Variants in IL22RA1 observed in about 807,000 individuals in gnomAD.
IL22RA1 encodes the protein interleukin 22 receptor subunit alpha 1, also known as interleukin-22 receptor subunit alpha-1.
IL22RA1 carries 25 observed loss-of-function variants against 32.8 expected under a neutral mutation model. The observed-to-expected ratio is 0.76, with a 90% CI of 0.55 to 1.06. IL22RA1 has a LOEUF of 1.06. Among genes scored for constraint, IL22RA1 ranks in the 50% least tolerant of loss-of-function variants. The pLI is 0.00. For synonymous variants in IL22RA1, 305 were observed against 305.0 expected (o/e 1.00, Z 0.00); for missense variants, 709 against 727.4 (o/e 0.97, Z 0.29).
At chr1:24,141,452 C>T (rs1158745044) in intron 1 of IL22RA1, among the ~76,000 whole-genome samples, 1 of 151,976 alleles carries the variant, frequency 6.6e-6, no homozygotes, top group Non-Finnish European at 1.5e-5. Flanking sequence ...TGGTTGAGGT[C>T]AGTGTTCTGG....
intron 2 of IL22RA1, 131 bp downstream of exon 2, chr1:24,138,451 C>A: frequency 2.1e-6 from 2 of 946,790 alleles, no homozygotes; most frequent in Non-Finnish European, 3.2e-6. Context: ...AGGAGCAAAG[C>A]TTTATCTGGG....
chr1:24,131,563 TACA>T (rs1403455980), intron 4 of IL22RA1, among the ~76,000 whole-genome samples: 5 of 152,196 alleles, frequency 3.3e-5, no homozygotes, highest in Non-Finnish European at 7.3e-5. Flanking sequence ...ATCAGGAAGA[TACA>T]ACAATCATAA....
Position 24,121,386 on chromosome 1 carries a change from T to C in IL22RA1, c.1144A>G (p.Ile382Val), listed in dbSNP as rs1489066137. Residue 382 changes from isoleucine to valine, a missense_variant, in exon 7 of 7, where the codon ATC becomes GTC. Physicochemically the swap from Ile to Val is conservative, Grantham distance 29. Coordinates refer to ENST00000270800, the MANE Select transcript of IL22RA1 (RefSeq NM_021258.4). ...AQFPFYAPQA[I>V]SKVQPSSYAP... is the part of the protein sequence containing the mutation. ...TAGGAGGAAGGCTGGACCTTAGAGA[T>C]GGCCTGTGGGGCGTAGAATGGGAAT... 3.2e-6 allele frequency: 5 copies of C among 1,565,600 alleles called. No homozygotes were observed. Among genetic ancestry groups the C allele is most frequent in the African/African-American group, 2.7e-5 (2 of 73,706 alleles).
intron 4 of IL22RA1, among the ~76,000 whole-genome samples, chr1:24,131,932 T>C (rs930106113): frequency 3.3e-5 from 5 of 152,130 alleles, no homozygotes; most frequent in African/African-American, 1.2e-4. Flanking sequence ...TGACCACAAA[T>C]TGAATTAAAT....
Position 24,121,371 on chromosome 1 carries a change from G to C in IL22RA1, c.1159C>G (p.Pro387Ala). ...GTGGCTTGAGGGGCATAGGAGGAAG[G>C]CTGGACCTTAGAGATGGCCTGTGGG... is the stretch of plus-strand genomic sequence containing the variant. ...YAPQAISKVQ[P>A]SSYAPQATPD... Residue 387 changes from proline to alanine, a missense_variant, in exon 7 of 7, where the codon CCT becomes GCT. Pro to Ala is a conservative substitution (Grantham distance 27). Transcript: ENST00000270800. The C allele has an allele frequency of 6.3e-7, 1 of 1,577,686 alleles. No individual in the cohort carries two copies. The highest frequency in any genetic ancestry group is 1.3e-5 in the African/African-American group (1 of 74,190).
intron 5 of IL22RA1, among the ~76,000 whole-genome samples, chr1:24,127,302 T>G (rs1644172582): frequency 2.6e-5 from 4 of 151,424 alleles, no homozygotes; most frequent in Admixed American, 1.3e-4. Context: ...TGTGTGACCT[T>G]GGGCAAGTCA....
intron 3 of IL22RA1, chr1:24,134,924 G>A: frequency 1.4e-6 from 1 of 723,698 alleles, no homozygotes; most frequent in Non-Finnish European, 1.7e-6. Flanking sequence ...GATGAATGCT[G>A]TGGGTCTTCT....
chr1:24,141,664 C>T (rs964337630), intron 1 of IL22RA1, among the ~76,000 whole-genome samples: 1 of 152,132 alleles, frequency 6.6e-6, no homozygotes, highest in Non-Finnish European at 1.5e-5. Context: ...AAGATCTCCC[C>T]CTCTTCTCCC....
At position 24,138,706 on chromosome 1, in the gene IL22RA1, G is replaced by A. The variant is rs369799031; in HGVS notation, c.52C>T (p.Pro18Ser). 1.2e-6 allele frequency: 2 copies of A among 1,613,942 alleles called. No homozygotes were observed. Among genetic ancestry groups the A allele is most frequent in the Admixed American group, 1.7e-5 (1 of 59,976 alleles). Residue 18 changes from proline to serine, a missense_variant, in exon 2 of 7, where the codon CCT becomes TCT. Physicochemically the swap from Pro to Ser is moderately conservative, Grantham distance 74 (BLOSUM62 -1). Coordinates refer to ENST00000270800, the MANE Select transcript of IL22RA1 (RefSeq NM_021258.4). ...LTVGSLAAHA[P>S]EDPSDLLQHV... The stretch of plus-strand genomic sequence containing the variant: ...TGGAGCAGATCCGAGGGGTCCTCAG[G>A]GGCGTGAGCTGCAGGAGGGTGGGAG...
At chr1:24,131,989 A>T (rs4649187) in intron 4 of IL22RA1, among the ~76,000 whole-genome samples, 36,062 of 152,070 alleles carry the variant, frequency 0.24, 5,145 homozygotes, top group Non-Finnish European at 0.3. Context: ...ATATTTACCA[A>T]AAAATAGTTG....
intron 1 of IL22RA1, among the ~76,000 whole-genome samples, chr1:24,142,700 G>A (rs367605088): frequency 1.1e-4 from 17 of 152,346 alleles, no homozygotes; most frequent in African/African-American, 3.6e-4. Flanking sequence ...TGCCGACACC[G>A]TTTGAGGGAC....
At position 24,121,153 on chromosome 1, in the gene IL22RA1, T is replaced by C; in HGVS notation, c.1377A>G (p.Gln459=). ...GGGGCTGGTGCAATGATTTTGCTTC[T>C]TGGGATTCCTCCATAGCCAAGGAGG... ...EVTSLAMEES[Q]EAKSLHQPLG... is the part of the protein sequence containing the mutation. Residue 459 remains glutamine (Q), a synonymous_variant, in exon 7 of 7, where the codon CAA becomes CAG. Transcript: ENST00000270800. 6.2e-7 allele frequency: 1 copy of C among 1,614,226 alleles called. No individual in the cohort carries two copies. The highest frequency in any genetic ancestry group is 8.5e-7 in the Non-Finnish European group (1 of 1,180,034).
chr1:24,121,330 A>G lies in IL22RA1; in HGVS notation c.1200T>C (p.Pro400=). Residue 400 remains proline (P), a synonymous_variant, in exon 7 of 7, where the codon CCT becomes CCC. Transcript: ENST00000270800. ...CTTCCATGCATACCCCATAGGAGGG[A>G]GGCCAGCTGTCCGGAGTGGCTTGAG... ...YAPQATPDSW[P]PSYGVCMEGS... 1 of 1,606,620 alleles carries G rather than the reference A, an allele frequency of 6.2e-7. No homozygotes were observed. Among genetic ancestry groups the G allele is most frequent in the Non-Finnish European group, 8.5e-7 (1 of 1,174,858 alleles).
intron 5 of IL22RA1, 66 bp from the exon 6 acceptor site, chr1:24,123,489 T>C: frequency 6.4e-7 from 1 of 1,571,394 alleles, no homozygotes. Flanking sequence ...CGGTTGGGTC[T>C]GGCCCCACAT....
intron 2 of IL22RA1, among the ~76,000 whole-genome samples, chr1:24,138,354 G>A (rs1270488563): frequency 6.6e-6 from 1 of 152,178 alleles, no homozygotes; most frequent in Non-Finnish European, 1.5e-5. Context: ...TTATACAGGC[G>A]AGAGCGGCAT....
At chr1:24,129,896 T>G (rs1357441075) in intron 4 of IL22RA1, among the ~76,000 whole-genome samples, 1 of 152,178 alleles carries the variant, frequency 6.6e-6, no homozygotes, top group Non-Finnish European at 1.5e-5. Context: ...AAGGCCCTGA[T>G]TCCTCCTTTC....
At chr1:24,143,000 G>T in intron 1 of IL22RA1, 40 bp downstream of exon 1, 1 of 1,594,048 alleles carries the variant, frequency 6.3e-7, no homozygotes. Flanking sequence ...TTGGCCCCTG[G>T]GATAAGGGAG....
Position 24,143,055 on chromosome 1 carries a change from C to G in IL22RA1, c.28G>C (p.Val10Leu), listed in dbSNP as rs776563153. 36 of 1,613,326 alleles carry G rather than the reference C, an allele frequency of 2.2e-5. No homozygotes were observed. The highest frequency in any genetic ancestry group is 3.0e-5 in the Non-Finnish European group (35 of 1,179,782). The change falls in exon 1 of 7, where the codon GTG (valine) becomes CTG (leucine). Residue 10 changes from valine (V) to leucine (L), a missense_variant. By Grantham distance (32) the Val-to-Leu change is conservative (BLOSUM62 1). Transcript: ENST00000270800. ...GGGCACTCACCAGCCAGGGATCCCA[C>G]AGTCAAGATGGTCAGCAGCGTCCTC... Reference protein sequence around the residue: MRTLLTILTVGSLAAHAPED... With the variant: MRTLLTILTLGSLAAHAPED...
Position 24,120,173 on chromosome 1 carries a change from G to T in IL22RA1, c.*632C>A, listed in dbSNP as rs1397289057. On this transcript the variant is annotated 3_prime_UTR_variant, in exon 7 of 7. Transcript: ENST00000270800. Reference sequence around the variant, plus strand: ...TGCATTTCGCTTTGTTCTATCAGAGGAATGAAGCTGAAATCGTGCAACGTC... The same window carrying T: ...TGCATTTCGCTTTGTTCTATCAGAGTAATGAAGCTGAAATCGTGCAACGTC... 3 of 152,272 alleles carry T rather than the reference G, an allele frequency of 2.0e-5. No homozygotes were observed. The highest frequency in any genetic ancestry group is 7.2e-5 in the African/African-American group (3 of 41,462). 9.4% of individuals were successfully genotyped at this position (152,272 alleles called of 1,614,324 possible). A position where few individuals can be genotyped will look rare whatever the true frequency, so the allele number is the denominator to read the frequency against.
Sources: gnomAD v4.1 joint callset for allele counts (sites outside exome capture counted in the v4.1 genomes callset) on GRCh38, gnomAD v4.1.1 for gene constraint, MANE v1.5 for transcripts, NCBI Gene and HGNC (gene_info 2026-07-23, HGNC 2026-07-21) for gene names.